CDKL3: variants seen among roughly 807,000 people sequenced by gnomAD.
CDKL3 encodes the protein cyclin dependent kinase like 3, also known as cyclin-dependent kinase-like 3.
CDKL3 carries 65 observed loss-of-function variants against 69.3 expected under a neutral mutation model. The observed-to-expected ratio is 0.94, with a 90% CI of 0.77 to 1.15. The LOEUF (loss-of-function observed/expected upper bound fraction) is 1.15. Among genes scored for constraint, CDKL3 ranks in the 50% most tolerant of loss-of-function variants. The pLI, the probability that CDKL3 is intolerant of heterozygous loss-of-function variation, is 0.00. For missense variants in CDKL3, 652 were observed against 689.2 expected, an observed-to-expected ratio of 0.95 and a Z score of 0.61; for synonymous variants, 202 against 221.6, an observed-to-expected ratio of 0.91 and a Z score of 0.79.
At chr5:134,310,801 T>C (rs1769245960) in intron 7 of CDKL3, among the ~76,000 whole-genome samples, 1 of 152,228 alleles carries the variant, frequency 6.6e-6, no homozygotes, top group Admixed American at 6.5e-5. Flanking sequence ...GCACTTTAAA[T>C]ATATCATCTT....
intron 8 of CDKL3, among the ~76,000 whole-genome samples, chr5:134,290,048 T>C (rs557912540): frequency 1.3e-5 from 2 of 152,242 alleles, no homozygotes; most frequent in East Asian, 3.9e-4. Context: ...AATACAGCAG[T>C]GAACAAGACG....
intron 12 of CDKL3, chr5:134,299,471 A>C: frequency 1.7e-6 from 2 of 1,202,908 alleles, no homozygotes; most frequent in South Asian, 4.6e-5. Context: ...TGTACCAGTC[A>C]GGTAGTTTTT....
At chr5:134,296,659 T>A (rs75740964), downstream of CDKL3, among the ~76,000 whole-genome samples, 1 of 152,170 alleles carries the variant, frequency 6.6e-6, no homozygotes, top group East Asian at 1.9e-4. Context: ...CAGGAAAGAA[T>A]GTTTGCGTCA....
chr5:134,319,333 G>A (rs954276106), intron 6 of CDKL3, 25 bp downstream of exon 6: 55 of 1,473,960 alleles, frequency 3.7e-5, no homozygotes, highest in Non-Finnish European at 4.9e-5. Flanking sequence ...CTGTCTCCGG[G>A]GGAGGAAAAA....
At chr5:134,308,770 G>A (rs766706178) in intron 7 of CDKL3, 43 bp from the exon 8 acceptor site, 8 of 1,480,276 alleles carry the variant, frequency 5.4e-6, no homozygotes, top group Admixed American at 2.5e-5. Flanking sequence ...TTTTATATAT[G>A]CAGATGGAGT....
At chr5:134,368,317 C>A (rs1757904837), upstream of CDKL3, among the ~76,000 whole-genome samples, 2 of 152,184 alleles carry the variant, frequency 1.3e-5, no homozygotes, top group African/African-American at 4.8e-5. Flanking sequence ...TCAGAATTGT[C>A]TTTTCTTTGA....
At chr5:134,294,799 C>T (rs1055299167), downstream of CDKL3, among the ~76,000 whole-genome samples, 1 of 152,000 alleles carries the variant, frequency 6.6e-6, no homozygotes, top group Non-Finnish European at 1.5e-5. Flanking sequence ...AATTGTACTT[C>T]TGTATATTAG....
intron 3 of CDKL3, among the ~76,000 whole-genome samples, chr5:134,355,814 A>G (rs1754463801): frequency 6.6e-6 from 1 of 152,202 alleles, no homozygotes; most frequent in Non-Finnish European, 1.5e-5. Flanking sequence ...AAGCCGCTCC[A>G]TACTAAGCTG....
Position 134,308,303 on chromosome 5 carries a change from A to G in CDKL3, c.1199T>C (p.Leu400Pro), listed in dbSNP as rs775266028. ...NVHPMSPDTK[L>P]VTIEPPNPIN... ...AGGGTTTGGTGGTTCAATGGTTACA[A>G]GTTTTGTATCTGGAGACATAGGATG... The change falls in exon 9 of 13, where the codon CTT becomes CCT. Residue 400 changes from leucine to proline, a missense_variant. Leu to Pro is a moderately conservative substitution (Grantham distance 98). Coordinates refer to ENST00000265334, the MANE Select transcript of CDKL3 (RefSeq NM_001113575.2). 1 of 1,613,948 alleles carries G rather than the reference A, an allele frequency of 6.2e-7. No individual in the cohort carries two copies. The highest frequency in any genetic ancestry group is 8.5e-7 in the Non-Finnish European group (1 of 1,179,860).
intron 6 of CDKL3, among the ~76,000 whole-genome samples, chr5:134,315,381 G>C (rs912209607): frequency 6.6e-6 from 1 of 152,224 alleles, no homozygotes; most frequent in African/African-American, 2.4e-5. Flanking sequence ...ACCCAGGATA[G>C]AGTGCGGTGC....
chr5:134,296,251 T>C (rs948118851), downstream of CDKL3, among the ~76,000 whole-genome samples: 1 of 152,006 alleles, frequency 6.6e-6, no homozygotes, highest in Non-Finnish European at 1.5e-5. Flanking sequence ...CCAAGATGGC[T>C]AAATAGTAGA....
rs1359447464 is a variant in CDKL3 at position 134,366,525 on chromosome 5, T to C, written c.-2A>G. On this transcript the variant is annotated 5_prime_UTR_variant, in exon 2 of 13. Coordinates refer to ENST00000265334, the MANE Select transcript of CDKL3 (RefSeq NM_001113575.2). The stretch of plus-strand genomic sequence containing the variant: ...TCCAAGGGTTTCATACATCTCCATT[T>C]TCAAGCTGGGCTTTTACTACTTTAT... 8 of 1,593,830 alleles carry C rather than the reference T, an allele frequency of 5.0e-6. No homozygotes were observed. The highest frequency in any genetic ancestry group is 6.0e-6 in the Non-Finnish European group (7 of 1,171,744).
intron 4 of CDKL3, among the ~76,000 whole-genome samples, chr5:134,346,015 TCTC>T (rs1048429899): frequency 6.6e-5 from 10 of 152,250 alleles, no homozygotes; most frequent in Admixed American, 5.2e-4. Flanking sequence ...CTTCTCCTGC[TCTC>T]CTTTCTCCCC....
intron 6 of CDKL3, among the ~76,000 whole-genome samples, chr5:134,312,621 G>A (rs1388334389): frequency 1.3e-5 from 2 of 152,164 alleles, no homozygotes; most frequent in Non-Finnish European, 2.9e-5. Context: ...CCAAAACAGA[G>A]GTCAGTCTGT....
At chr5:134,293,751 G>A (rs1374870125), downstream of CDKL3, among the ~76,000 whole-genome samples, 1 of 152,054 alleles carries the variant, frequency 6.6e-6, no homozygotes, top group Non-Finnish European at 1.5e-5. Flanking sequence ...AGTGAGCTAT[G>A]ATTGTGCCAC....
rs186119803 is a variant in CDKL3 at position 134,306,596 on chromosome 5, C to G, written c.1458+13G>C. The G allele has an allele frequency of 3.4e-6, 5 of 1,481,432 alleles. No homozygotes were observed. The highest frequency in any genetic ancestry group is 3.8e-6 in the Non-Finnish European group (4 of 1,064,864). 91.8% of individuals were successfully genotyped at this position (1,481,432 alleles called of 1,614,324 possible). Reference sequence around the variant, plus strand: ...AAAGAGGCCATATTTTAATGTGTAGCTTCTTGCCTTACTTGAATAGGACCT... The same window carrying G: ...AAAGAGGCCATATTTTAATGTGTAGGTTCTTGCCTTACTTGAATAGGACCT... On this transcript the variant is annotated intron_variant, in intron 10 of 12. Coordinates refer to ENST00000265334, the MANE Select transcript of CDKL3 (RefSeq NM_001113575.2).
At chr5:134,320,047 C>T (rs1327131089) in intron 5 of CDKL3, among the ~76,000 whole-genome samples, 1 of 152,114 alleles carries the variant, frequency 6.6e-6, no homozygotes, top group Non-Finnish European at 1.5e-5. Flanking sequence ...CTCTTGCTTT[C>T]TTGTGCTTGG....
At chr5:134,326,468 A>T (rs2149503518) in intron 4 of CDKL3, among the ~76,000 whole-genome samples, 1 of 152,206 alleles carries the variant, frequency 6.6e-6, no homozygotes, top group East Asian at 1.9e-4. Flanking sequence ...CTACTAAGGA[A>T]AGTAAAGGTA....
At chr5:134,295,444 A>T (rs1175106493), downstream of CDKL3, among the ~76,000 whole-genome samples, 2 of 152,202 alleles carry the variant, frequency 1.3e-5, no homozygotes, top group Non-Finnish European at 2.9e-5. Context: ...TGGAGTAAGG[A>T]TCAACAAATA....
Sources: allele counts gnomAD v4.1 joint callset (sites outside exome capture counted in the v4.1 genomes callset), GRCh38; gene constraint gnomAD v4.1.1; transcripts MANE v1.5; gene names NCBI Gene and HGNC (gene_info 2026-07-23, HGNC 2026-07-21).